RNF157: variants seen among roughly 807,000 people sequenced by gnomAD.
RNF157 encodes the protein E3 ubiquitin ligase RNF157.
RNF157 carries 55 observed loss-of-function variants against 88.3 expected under a neutral mutation model. The observed-to-expected ratio is 0.62, with a 90% CI of 0.50 to 0.78. The LOEUF (loss-of-function observed/expected upper bound fraction) is 0.78. Among genes scored for constraint, RNF157 ranks in the 30% least tolerant of loss-of-function variants. The probability of loss-of-function intolerance (pLI) is 0.00; values close to 1 mark genes in which losing one functional copy is unlikely to be tolerated. For synonymous variants in RNF157, 334 were observed against 341.2 expected (o/e 0.98, Z 0.23); for missense variants, 788 against 860.8 (o/e 0.92, Z 1.06).
intron 2 of RNF157, among the ~76,000 whole-genome samples, chr17:76,185,729 A>G (rs1306046697): frequency 6.6e-6 from 1 of 152,034 alleles, no homozygotes; most frequent in East Asian, 1.9e-4. Context: ...TCGGCCTCCC[A>G]AAGTGCTGGG....
At chr17:76,162,233 A>G in intron 9 of RNF157, 1 of 586,740 alleles carries the variant, frequency 1.7e-6, no homozygotes, top group Non-Finnish European at 3.0e-6. Flanking sequence ...AGCTCCTCCT[A>G]TAAGGCCCAG....
chr17:76,158,472 T>G lies in RNF157; in HGVS notation c.1334A>C (p.His445Pro). 6.2e-7 allele frequency: 1 copy of G among 1,613,862 alleles called. No homozygotes were observed. Among genetic ancestry groups the G allele is most frequent in the African/African-American group, 1.3e-5 (1 of 75,052 alleles). Residue 445 changes from histidine (H) to proline (P), a missense_variant, in exon 13 of 19, where the codon CAT becomes CCT. Physicochemically the swap from His to Pro is moderately conservative, Grantham distance 77 (BLOSUM62 -2). Transcript: ENST00000269391. ...KSTSQNSSVL[H>P]EEEDEHSCSE... ...GCAGGAATGCTCATCTTCCTCTTCATGCAGCACGGAAGAGTTTTGGGAAGT... is the reference window on the plus strand; with the variant it reads ...GCAGGAATGCTCATCTTCCTCTTCAGGCAGCACGGAAGAGTTTTGGGAAGT...
At chr17:76,154,206 C>A in intron 17 of RNF157, 77 bp downstream of exon 17, 1 of 1,042,858 alleles carries the variant, frequency 9.6e-7, no homozygotes, top group Non-Finnish European at 1.5e-6. Context: ...CATACCGGTA[C>A]CCTTTTCTTT....
Position 76,221,509 on chromosome 17 carries a change from G to T in RNF157, c.89-9027C>A, listed in dbSNP as rs73996189. ...GTTTCCTCAAAGAATATATTGTAAG[G>T]GGGGAAAGTATGGCAACAGAAAATC... On this transcript the variant is annotated intron_variant, in intron 1 of 18. Coordinates refer to ENST00000269391, the MANE Select transcript of RNF157 (RefSeq NM_052916.3). 3.9e-5 allele frequency among the ~76,000 whole-genome samples: 6 copies of T among 152,234 alleles called. No homozygotes were observed. In the East Asian group the frequency reaches 1.2e-3, roughly 29 times the overall value.
At chr17:76,170,866 C>T (rs1263529107) in intron 3 of RNF157, among the ~76,000 whole-genome samples, 1 of 151,926 alleles carries the variant, frequency 6.6e-6, no homozygotes, top group Non-Finnish European at 1.5e-5. Flanking sequence ...CAGATTTATG[C>T]CTTTTTAAAG....
Position 76,161,949 on chromosome 17 carries a change from C to T in RNF157, c.846G>A (p.Ser282=), listed in dbSNP as rs200041665. Residue 282 remains serine (S), a synonymous_variant, in exon 10 of 19, where the codon TCG becomes TCA. Coordinates refer to ENST00000269391, the MANE Select transcript of RNF157 (RefSeq NM_052916.3). This position sits in a 1 kb window ranked among gnomAD's most constrained non-coding sequence, Gnocchi z 4.6. The stretch of plus-strand genomic sequence containing the variant: ...GCAGAATCAAGGTGTCCCGGACATC[C>T]GAGAGACACACCACACACTCGGCAC... ...DNSAECVVCL[S]DVRDTLILPC... 1.2e-4 allele frequency: 193 copies of T among 1,614,068 alleles called. No individual in the cohort carries two copies. Among genetic ancestry groups the T allele is most frequent in the Non-Finnish European group, 1.6e-4 (184 of 1,180,042 alleles).
At chr17:76,166,011 G>A (rs2068918445) in intron 6 of RNF157, among the ~76,000 whole-genome samples, 1 of 151,616 alleles carries the variant, frequency 6.6e-6, no homozygotes, top group African/African-American at 2.4e-5. Flanking sequence ...GCCTCACTCT[G>A]TCACCCAGGC....
intron 2 of RNF157, among the ~76,000 whole-genome samples, chr17:76,201,189 T>C (rs140622221): frequency 1.1e-4 from 16 of 151,646 alleles, no homozygotes; most frequent in African/African-American, 3.1e-4. Context: ...TCAAACAACA[T>C]AGAAGAATAT....
Position 76,161,736 on chromosome 17 carries a change from C to T in RNF157, c.953-89G>A, listed in dbSNP as rs1260523524. 6.6e-6 allele frequency: 10 copies of T among 1,519,782 alleles called. No individual in the cohort carries two copies. The highest frequency in any genetic ancestry group is 4.7e-5 in the South Asian group (4 of 85,350). 94.1% of individuals were successfully genotyped at this position (1,519,782 alleles called of 1,614,324 possible). A position where few individuals can be genotyped will look rare whatever the true frequency, so the allele number is the denominator to read the frequency against. ...AGACAGAAACCATGATCCCTCCCAG[C>T]GCGCATCCGTTTGTCAGATCCAGCA... is the stretch of plus-strand genomic sequence containing the variant. On this transcript the variant is annotated intron_variant, in intron 10 of 18. Coordinates refer to ENST00000269391, the MANE Select transcript of RNF157 (RefSeq NM_052916.3). This position sits in a 1 kb window ranked among gnomAD's most constrained non-coding sequence, Gnocchi z 4.6.
In RNF157 at chr17:76,158,406, TG is replaced by T; in HGVS notation, c.1399del (p.Gln467SerfsTer9). ...AATGTCAATTACCTCTCCGAGATGC[TG>T]AACCGACGGTCTCTGAGAGAGCTGT... ...ETQLSQRPSVQHLGEECGVTP... is the reference protein window; with the variant it reads ...ETQLSQRPSVXHLGEECGVTP... On this transcript the variant is annotated frameshift_variant, in exon 13 of 19. Coordinates refer to ENST00000269391, the MANE Select transcript of RNF157 (RefSeq NM_052916.3). LOFTEE classifies it high-confidence loss of function. The T allele has an allele frequency of 6.2e-7, 1 of 1,612,156 alleles. No homozygotes were observed. Among genetic ancestry groups the T allele is most frequent in the African/African-American group, 1.3e-5 (1 of 74,986 alleles).
At chr17:76,186,683 T>C (rs2069295964) in intron 2 of RNF157, among the ~76,000 whole-genome samples, 1 of 151,994 alleles carries the variant, frequency 6.6e-6, no homozygotes, top group Admixed American at 6.6e-5. Flanking sequence ...CTCACGCCTG[T>C]AATCCCAGCA....
At chr17:76,199,662 C>T (rs2069538875) in intron 2 of RNF157, among the ~76,000 whole-genome samples, 1 of 151,838 alleles carries the variant, frequency 6.6e-6, no homozygotes, top group African/African-American at 2.4e-5. Context: ...TCTGGGAGTG[C>T]CCCTTCTTAT....
intron 18 of RNF157, among the ~76,000 whole-genome samples, chr17:76,148,290 G>A (rs2068617050): frequency 7.2e-6 from 1 of 139,316 alleles, no homozygotes; most frequent in African/African-American, 2.8e-5. Context: ...TTTGAGACAG[G>A]GTCTCTTGCT....
intron 1 of RNF157, among the ~76,000 whole-genome samples, chr17:76,214,469 T>C (rs2069855243): frequency 6.6e-6 from 1 of 152,162 alleles, no homozygotes; most frequent in Non-Finnish European, 1.5e-5. Context: ...TATACCTCCA[T>C]AACCTTCTAT....
At chr17:76,164,608 GA>G in intron 8 of RNF157, 139 bp downstream of exon 8, 2 of 460,466 alleles carry the variant, frequency 4.3e-6, no homozygotes, top group Non-Finnish European at 3.7e-6. Flanking sequence ...TTTCTTCTTT[GA>G]TTAAAAAAAA....
chr17:76,222,630 T>C (rs2070005764), intron 1 of RNF157, among the ~76,000 whole-genome samples: 1 of 152,176 alleles, frequency 6.6e-6, no homozygotes, highest in African/African-American at 2.4e-5. Context: ...ACGTCCATTT[T>C]TCAGTTGAGG....
intron 2 of RNF157, among the ~76,000 whole-genome samples, chr17:76,209,100 T>C (rs1399452386): frequency 6.6e-6 from 1 of 151,976 alleles, no homozygotes; most frequent in African/African-American, 2.4e-5. Flanking sequence ...TATTGATTGA[T>C]TGATTAAGAT....
At chr17:76,154,698 A>C in intron 16 of RNF157, 1 of 232,192 alleles carries the variant, frequency 4.3e-6, no homozygotes, top group Non-Finnish European at 8.4e-6. Flanking sequence ...CCCAAACCCC[A>C]TCCAGATCCT....
Position 76,193,148 on chromosome 17 carries a change from C to T in RNF157, c.207+19216G>A, listed in dbSNP as rs181920437. ...CTCACTTCATACACAAGACTTTGGG[C>T]AAATAACTTAACATCTCTGAGCATC... On this transcript the variant is annotated intron_variant, in intron 2 of 18. Coordinates refer to ENST00000269391, the MANE Select transcript of RNF157 (RefSeq NM_052916.3). Among the ~76,000 whole-genome samples the T allele has an allele frequency of 3.9e-5, 6 of 152,228 alleles. No homozygotes were observed. In the East Asian group the frequency reaches 1.2e-3, roughly 29 times the overall value.
Sources: gnomAD v4.1 joint callset for allele counts (sites outside exome capture counted in the v4.1 genomes callset) on GRCh38, gnomAD v4.1.1 for gene constraint, Gnocchi (gnomAD v3.1) non-coding constraint, MANE v1.5 for transcripts, NCBI Gene and HGNC (gene_info 2026-07-23, HGNC 2026-07-21) for gene names.